The following COL24A1 variants were observed in gnomAD, a reference collection of about 807,000 sequenced individuals.
COL24A1 encodes collagen alpha-1(XXIV) chain.
In COL24A1, 224 loss-of-function variants were observed where a neutral mutation model predicts 253.9. That is an observed-to-expected ratio of 0.88 (90% CI 0.79 to 0.99). The LOEUF is 0.99. COL24A1 is among the 50% of genes least tolerant of loss of function. The pLI is 0.00. For synonymous variants in COL24A1, 685 were observed against 673.7 expected (o/e 1.02, Z -0.26); for missense variants, 2,131 against 2,068.5 (o/e 1.03, Z -0.59).
chr1:85,795,530 A>T (rs1418135066), intron 47 of COL24A1, among the ~76,000 whole-genome samples: 1 of 152,156 alleles, frequency 6.6e-6, no homozygotes, highest in Non-Finnish European at 1.5e-5. Context: ...TGAAATTACA[A>T]ATATTTCGAA....
intron 45 of COL24A1, among the ~76,000 whole-genome samples, chr1:85,819,186 ATAGT>A (rs1205447256): frequency 7.2e-5 from 11 of 152,192 alleles, no homozygotes; most frequent in African/African-American, 2.7e-4. Flanking sequence ...AGAAAATGGG[ATAGT>A]TAGTGACCTG....
At chr1:85,885,397 A>ATATTTTTT (rs60994639) in intron 32 of COL24A1, among the ~76,000 whole-genome samples, 5 of 128,900 alleles carry the variant, frequency 3.9e-5, no homozygotes, top group Admixed American at 1.7e-4. Flanking sequence ...ATATATATAT[A>ATATTTTTT]TTTTTTTTTT....
intron 5 of COL24A1, among the ~76,000 whole-genome samples, chr1:86,104,618 G>T (rs1704775240): frequency 6.6e-6 from 1 of 152,112 alleles, no homozygotes; most frequent in Non-Finnish European, 1.5e-5. Flanking sequence ...CAGTCAACTG[G>T]CCTCATTTCT....
chr1:85,906,262 G>GTTTTTTTTTTTTTTTTTTTTTTTTTT (rs1438385660), intron 28 of COL24A1, among the ~76,000 whole-genome samples: 42 of 13,988 alleles, frequency 3.0e-3, no homozygotes, highest in African/African-American at 6.8e-3. Flanking sequence ...AAACTGCAAG[G>GTTTTTTTTTTTTTTTTTTTTTTTTTT]TCTTTTTTTT....
At chr1:86,043,768 C>T (rs976557402) in intron 12 of COL24A1, among the ~76,000 whole-genome samples, 10 of 152,170 alleles carry the variant, frequency 6.6e-5, no homozygotes, top group East Asian at 1.9e-4. Flanking sequence ...TCTCATGATC[C>T]GCCCGCCTCG....
intron 19 of COL24A1, among the ~76,000 whole-genome samples, chr1:86,015,071 T>C (rs1559011586): frequency 6.6e-6 from 1 of 152,234 alleles, no homozygotes; most frequent in Non-Finnish European, 1.5e-5. Context: ...CTACCAAATA[T>C]ACTATTTAAA....
Position 85,896,410 on chromosome 1 carries a change from C to T in COL24A1, c.2779-1G>A. Reference sequence around the variant, plus strand: ...AGAGACCATCTGGTCCTCTTGATCCCTAGAGGTGAAAAAAATATCCTGTTG... The same window carrying T: ...AGAGACCATCTGGTCCTCTTGATCCTTAGAGGTGAAAAAAATATCCTGTTG... On this transcript the variant is annotated splice_acceptor_variant, in intron 28 of 59. Coordinates refer to ENST00000370571, the MANE Select transcript of COL24A1 (RefSeq NM_152890.7). LOFTEE classifies it high-confidence loss of function. The T allele has an allele frequency of 6.2e-7, 1 of 1,611,818 alleles. No homozygotes were observed. The highest frequency in any genetic ancestry group is 8.5e-7 in the Non-Finnish European group (1 of 1,178,176).
intron 55 of COL24A1, among the ~76,000 whole-genome samples, chr1:85,745,877 T>C (rs1051673446): frequency 6.6e-6 from 1 of 152,160 alleles, no homozygotes; most frequent in African/African-American, 2.4e-5. Context: ...ACTGTAGCAA[T>C]TTTTAACAGT....
chr1:85,770,818 T>C (rs1287073699), intron 53 of COL24A1, among the ~76,000 whole-genome samples: 1 of 152,208 alleles, frequency 6.6e-6, no homozygotes, highest in African/African-American at 2.4e-5. Context: ...TGTGTACCTT[T>C]TGCCCATCCT....
intron 52 of COL24A1, among the ~76,000 whole-genome samples, chr1:85,779,719 T>C (rs1570582047): frequency 6.6e-6 from 1 of 152,344 alleles, no homozygotes; most frequent in African/African-American, 2.4e-5. Flanking sequence ...TTCTGGGCTC[T>C]AGTCTGTTAC....
chr1:86,140,625 C>T (rs562821788), intron 2 of COL24A1, among the ~76,000 whole-genome samples: 1 of 152,232 alleles, frequency 6.6e-6, no homozygotes, highest in South Asian at 2.1e-4. Context: ...GTTTTCACAC[C>T]TAGGGATCAT....
At chr1:85,914,207 G>A (rs1310505600) in intron 24 of COL24A1, among the ~76,000 whole-genome samples, 1 of 151,958 alleles carries the variant, frequency 6.6e-6, no homozygotes, top group Admixed American at 6.6e-5. Flanking sequence ...AATGGGTAGC[G>A]GAGAAGGTAG....
At chr1:85,905,981 G>A (rs909219978) in intron 28 of COL24A1, among the ~76,000 whole-genome samples, 1 of 151,968 alleles carries the variant, frequency 6.6e-6, no homozygotes, top group South Asian at 2.1e-4. Flanking sequence ...TGCTGGCAGG[G>A]TACTAACCAC....
At chr1:86,084,040 A>G (rs568555494) in intron 7 of COL24A1, among the ~76,000 whole-genome samples, 24 of 152,192 alleles carry the variant, frequency 1.6e-4, no homozygotes, top group Admixed American at 1.3e-4. Flanking sequence ...AAGTTTGTCA[A>G]ATATTACAGG....
intron 19 of COL24A1, among the ~76,000 whole-genome samples, chr1:86,013,390 T>C (rs1696712269): frequency 6.6e-6 from 1 of 152,228 alleles, no homozygotes; most frequent in Non-Finnish European, 1.5e-5. Context: ...AATTAATATG[T>C]TCTAACCCAA....
At chr1:86,122,352 A>C (rs1571995795) in intron 3 of COL24A1, among the ~76,000 whole-genome samples, 1 of 151,926 alleles carries the variant, frequency 6.6e-6, no homozygotes, top group South Asian at 2.1e-4. Flanking sequence ...TCTTTCTATA[A>C]CCAAAAAGCA....
rs1486715484 is a variant in COL24A1 at position 85,823,763 on chromosome 1, T to C, written c.3682-25A>G. 3 of 1,604,202 alleles carry C rather than the reference T, an allele frequency of 1.9e-6. No individual in the cohort carries two copies. In the Admixed American group the frequency reaches 5.0e-5, roughly 27 times the overall value. ...CCTAGAAATAGAAAAGATTACATTA[T>C]TAGAGTAAGTAGAGACATGTGACTT... On this transcript the variant is annotated intron_variant, in intron 43 of 59. Transcript: ENST00000370571.
chr1:85,821,993 G>A (rs1404257628), intron 45 of COL24A1, among the ~76,000 whole-genome samples: 1 of 152,180 alleles, frequency 6.6e-6, no homozygotes, highest in Non-Finnish European at 1.5e-5. Flanking sequence ...ATATAAGGAA[G>A]TAGCATGACA....
chr1:85,947,694 T>G (rs1357260056), intron 24 of COL24A1, among the ~76,000 whole-genome samples: 1 of 152,196 alleles, frequency 6.6e-6, no homozygotes, highest in South Asian at 2.1e-4. Context: ...ATGTATCACA[T>G]TACGAAGACT....
Sources: allele counts gnomAD v4.1 joint callset (sites outside exome capture counted in the v4.1 genomes callset), GRCh38; gene constraint gnomAD v4.1.1; transcripts MANE v1.5; gene names NCBI Gene and HGNC (gene_info 2026-07-23, HGNC 2026-07-21).